IL1RAPL1: variants seen among roughly 807,000 people sequenced by gnomAD.
IL1RAPL1 encodes interleukin 1 receptor accessory protein like 1.
In IL1RAPL1, 3 loss-of-function variants were observed where a neutral mutation model predicts 48.4. The observed-to-expected ratio is 0.06, with a 90% CI of 0.03 to 0.16. The LOEUF (loss-of-function observed/expected upper bound fraction) is 0.16. IL1RAPL1 is among the 10% of genes least tolerant of loss of function. The probability of loss-of-function intolerance (pLI) is 1.00; values close to 1 mark genes in which losing one functional copy is unlikely to be tolerated. For synonymous variants in IL1RAPL1, 185 were observed against 187.7 expected, an observed-to-expected ratio of 0.99 and a Z score of 0.12; for missense variants, 349 against 530.6, an observed-to-expected ratio of 0.66 and a Z score of 3.36.
intron 3 of IL1RAPL1, among the ~76,000 whole-genome samples, chrX:29,374,923 C>A (rs1020617839): frequency 1.8e-5 from 2 of 110,195 alleles, no homozygotes; most frequent in African/African-American, 6.6e-5. Flanking sequence ...TAGGAAAAAA[C>A]TCTCCTACAT....
At chrX:28,636,972 C>T (rs1461404254) in intron 1 of IL1RAPL1, among the ~76,000 whole-genome samples, 3 of 111,054 alleles carry the variant, frequency 2.7e-5, no homozygotes, top group Non-Finnish European at 5.7e-5. Flanking sequence ...TTTGCCGTAC[C>T]ACCAAACTCA....
rs144068890 is a variant in IL1RAPL1, at chrX:29,064,621, G to A, written c.83-218317G>A. On this transcript the variant is annotated intron_variant, in intron 2 of 10. Transcript: ENST00000378993. ...CTTTGAGATGGAGTCTCGCTCTGTC[G>A]TCCAGGCTGGAGTGCAGTGGCGCGA... Among the ~76,000 whole-genome samples the A allele has an allele frequency of 1.2e-3, 129 of 111,065 alleles. 2 individuals carry two copies. The East Asian group carries it at 0.032, about 28-fold the overall frequency.
chrX:29,285,524 CAAAAAAAAAAAAAAA>C (rs778913919), intron 3 of IL1RAPL1, among the ~76,000 whole-genome samples: 11 of 11,568 alleles, frequency 9.5e-4, no homozygotes, highest in Non-Finnish European at 1.1e-3. Context: ...AACTCCGTCT[CAAAAAAAAAAAAAAA>C]AAAAAAAAAA....
chrX:29,510,706 T>C (rs760216588), intron 5 of IL1RAPL1, among the ~76,000 whole-genome samples: 49 of 111,649 alleles, frequency 4.4e-4, no homozygotes, highest in Non-Finnish European at 8.5e-4. Context: ...CAAACTACCA[T>C]GCCATCCTTA....
chrX:29,823,519 C>T lies in IL1RAPL1; in HGVS notation c.779-93945C>T, dbSNP rs145193036. Among the ~76,000 whole-genome samples the T allele has an allele frequency of 1.2e-4, 13 of 112,059 alleles. No individual in the cohort carries two copies. In the East Asian group the frequency reaches 2.2e-3, roughly 19 times the overall value. ...TGAGAAGACTAGACTATTCACTTTG[C>T]GGAAACTGAAAGCATGTATATCTTG... On this transcript the variant is annotated intron_variant, in intron 6 of 10. Coordinates refer to ENST00000378993, the MANE Select transcript of IL1RAPL1 (RefSeq NM_014271.4).
At chrX:29,090,762 A>T (rs1477720824) in intron 2 of IL1RAPL1, among the ~76,000 whole-genome samples, 1 of 112,216 alleles carries the variant, frequency 8.9e-6, no homozygotes, top group African/African-American at 3.2e-5. Flanking sequence ...AATAAGGTGG[A>T]AAATTAGAAT....
chrX:29,049,161 A>G (rs958492105), intron 2 of IL1RAPL1, among the ~76,000 whole-genome samples: 5 of 112,260 alleles, frequency 4.5e-5, no homozygotes, highest in Non-Finnish European at 9.4e-5. Flanking sequence ...AGAAGGTAAC[A>G]TGCATCCCAC....
chrX:28,887,252 C>T (rs768072534), intron 2 of IL1RAPL1, among the ~76,000 whole-genome samples: 1 of 111,565 alleles, frequency 9.0e-6, no homozygotes, highest in African/African-American at 3.3e-5. Context: ...TTCCTCCTTC[C>T]GCCATGTGAG....
chrX:29,723,709 A>G (rs946922190), intron 6 of IL1RAPL1, among the ~76,000 whole-genome samples: 1 of 112,705 alleles, frequency 8.9e-6, no homozygotes, highest in African/African-American at 3.2e-5. Flanking sequence ...TAGATACTTT[A>G]TCTTCCAACA....
At chrX:29,041,585 CAG>C (rs762160224) in intron 2 of IL1RAPL1, among the ~76,000 whole-genome samples, 10 of 112,239 alleles carry the variant, frequency 8.9e-5, no homozygotes, top group Non-Finnish European at 1.7e-4. Flanking sequence ...GTAACAAAGA[CAG>C]AAACAGTATA....
At chrX:29,278,051 C>T (rs750054731) in intron 2 of IL1RAPL1, among the ~76,000 whole-genome samples, 80 of 111,321 alleles carry the variant, frequency 7.2e-4, no homozygotes, top group Non-Finnish European at 1.3e-3. Context: ...ATTAGGGATG[C>T]TCAACTTTAC....
chrX:28,844,238 C>T (rs771396814), intron 2 of IL1RAPL1, among the ~76,000 whole-genome samples: 15 of 105,263 alleles, frequency 1.4e-4, no homozygotes, highest in Non-Finnish European at 2.4e-4. Context: ...GGGAACGGAA[C>T]GTAAACCCCC....
intron 2 of IL1RAPL1, among the ~76,000 whole-genome samples, chrX:28,824,280 T>C (rs1329219996): frequency 9.0e-6 from 1 of 111,250 alleles, no homozygotes; most frequent in African/African-American, 3.3e-5. Flanking sequence ...TCAAAGTTTT[T>C]CCCTTTACTT....
intron 8 of IL1RAPL1, among the ~76,000 whole-genome samples, chrX:29,921,888 T>G (rs1350850094): frequency 8.9e-6 from 1 of 112,316 alleles, no homozygotes; most frequent in Non-Finnish European, 1.9e-5. Context: ...AGATTCAGCC[T>G]CTTTAGCTTC....
intron 2 of IL1RAPL1, among the ~76,000 whole-genome samples, chrX:29,041,496 AT>A (rs1926845188): frequency 8.9e-6 from 1 of 112,081 alleles, no homozygotes; most frequent in Admixed American, 9.5e-5. Flanking sequence ...CGAGCAGAAA[AT>A]TTTACAGTTA....
intron 2 of IL1RAPL1, among the ~76,000 whole-genome samples, chrX:29,121,483 A>G (rs941135990): frequency 6.3e-5 from 7 of 111,716 alleles, no homozygotes; most frequent in African/African-American, 2.3e-4. Flanking sequence ...AAGTCAAACC[A>G]CTGTAAGTTG....
intron 8 of IL1RAPL1, among the ~76,000 whole-genome samples, chrX:29,938,907 C>T (rs926990403): frequency 1.2e-4 from 14 of 112,336 alleles, no homozygotes; most frequent in Non-Finnish European, 2.6e-4. Flanking sequence ...TTTTGCGTAT[C>T]AGTAGTTTAC....
chrX:28,779,247 A>ATT lies in IL1RAPL1; in HGVS notation c.-24-10072_-24-10071dup, dbSNP rs199790155. Among the ~76,000 whole-genome samples the ATT allele has an allele frequency of 9.5e-3, 1,060 of 111,207 alleles. 8 individuals carry two copies. Among genetic ancestry groups the ATT allele is most frequent in the African/African-American group, 0.033 (1,009 of 30,627 alleles). On this transcript the variant is annotated intron_variant, in intron 1 of 10. Coordinates refer to ENST00000378993, the MANE Select transcript of IL1RAPL1 (RefSeq NM_014271.4). ...GATTCCATTGTTTTTAATGACCTTG[A>ATT]TTGAAGCCTTTTCCTAGCCACTATT...
At chrX:28,714,496 T>C (rs1935480011) in intron 1 of IL1RAPL1, among the ~76,000 whole-genome samples, 1 of 112,096 alleles carries the variant, frequency 8.9e-6, no homozygotes, top group South Asian at 3.7e-4. Context: ...TATGTCTTTA[T>C]AATGATATAT....
Sources: allele counts gnomAD v4.1 joint callset (sites outside exome capture counted in the v4.1 genomes callset), GRCh38; gene constraint gnomAD v4.1.1; transcripts MANE v1.5; gene names NCBI Gene and HGNC (gene_info 2026-07-23, HGNC 2026-07-21).